Variants in SMARCA2 observed in about 807,000 individuals in gnomAD.
The protein encoded by SMARCA2 is SWI/SNF related BAF chromatin remodeling complex subunit ATPase 2.
In SMARCA2, 61 loss-of-function variants were observed where a neutral mutation model predicts 199.8. The ratio of observed to expected loss-of-function variants is 0.31; its 90% CI spans 0.25 to 0.38. SMARCA2 has a LOEUF of 0.38. SMARCA2 is among the 10% of genes least tolerant of loss of function. The pLI is 1.00. For synonymous variants in SMARCA2, 935 were observed against 732.0 expected, an observed-to-expected ratio of 1.28 and a Z score of -4.48; for missense variants, 1,344 against 2,012.2, an observed-to-expected ratio of 0.67 and a Z score of 6.35.
At chr9:2,101,660 G>T in intron 22 of SMARCA2, 44 bp downstream of exon 22, 1 of 1,045,464 alleles carries the variant, frequency 9.6e-7, no homozygotes, top group African/African-American at 1.6e-5. Flanking sequence ...AATGTTGTTG[G>T]CCTTACATAA....
chr9:2,185,074 G>C, intron 31 of SMARCA2, among the ~76,000 whole-genome samples: 1 of 152,204 alleles, frequency 6.6e-6, no homozygotes, highest in Middle Eastern at 3.4e-3. Context: ...TAATTTTTCA[G>C]TATACAGTTC....
chr9:2,111,491 C>CAAAAAAAA (rs148112929), intron 24 of SMARCA2, among the ~76,000 whole-genome samples: 2 of 86,978 alleles, frequency 2.3e-5, no homozygotes, highest in African/African-American at 3.6e-5. Flanking sequence ...GACCGTGTCT[C>CAAAAAAAA]AAAAAAAAAA....
chr9:2,111,068 CG>C (rs1822975620), intron 24 of SMARCA2, among the ~76,000 whole-genome samples: 1 of 142,834 alleles, frequency 7.0e-6, no homozygotes, highest in Admixed American at 7.0e-5. Context: ...TTAAATTGAG[CG>C]GGTCTCTCAT....
chr9:2,163,806 G>A (rs190824158), intron 28 of SMARCA2, among the ~76,000 whole-genome samples: 1 of 152,230 alleles, frequency 6.6e-6, no homozygotes, highest in Non-Finnish European at 1.5e-5. Flanking sequence ...TCATTCTAAG[G>A]TGATGGCTGT....
At chr9:2,181,232 A>C (rs1381531276) in intron 29 of SMARCA2, 1 of 207,554 alleles carries the variant, frequency 4.8e-6, no homozygotes, top group Non-Finnish European at 9.5e-6. Flanking sequence ...ATATTTACCA[A>C]TTCATTTAAA....
At chr9:2,145,067 A>G (rs777187972) in intron 27 of SMARCA2, among the ~76,000 whole-genome samples, 1 of 152,178 alleles carries the variant, frequency 6.6e-6, no homozygotes, top group Non-Finnish European at 1.5e-5. Context: ...TGGGAGGCCT[A>G]GGCGGACGGA....
intron 27 of SMARCA2, chr9:2,158,820 G>A (rs1825512847): frequency 1.2e-6 from 1 of 808,276 alleles, no homozygotes; most frequent in African/African-American, 1.8e-5. Context: ...AAAGCATTGG[G>A]AAGTGTTTAG....
intron 23 of SMARCA2, among the ~76,000 whole-genome samples, chr9:2,107,956 A>C (rs753856423): frequency 6.6e-6 from 1 of 152,064 alleles, no homozygotes; most frequent in Non-Finnish European, 1.5e-5. Context: ...AGGTTTAGGG[A>C]TATTTATGGG....
chr9:2,130,931 A>G (rs1022195424), intron 27 of SMARCA2, among the ~76,000 whole-genome samples: 6 of 152,176 alleles, frequency 3.9e-5, no homozygotes, highest in African/African-American at 1.4e-4. Flanking sequence ...GGCAGTCATC[A>G]TTATTGAGCC....
intron 29 of SMARCA2, among the ~76,000 whole-genome samples, chr9:2,174,390 A>G (rs1469930531): frequency 1.3e-5 from 2 of 152,202 alleles, no homozygotes. Context: ...GGGGAAAAAA[A>G]TCTGTCTCAC....
intron 27 of SMARCA2, among the ~76,000 whole-genome samples, chr9:2,124,269 A>G (rs1413608508): frequency 6.6e-6 from 1 of 152,142 alleles, no homozygotes; most frequent in African/African-American, 2.4e-5. Context: ...GTCATGCCTC[A>G]CTCTCTCCAA....
At chr9:2,079,148 C>T (rs981971182) in intron 14 of SMARCA2, among the ~76,000 whole-genome samples, 7 of 152,120 alleles carry the variant, frequency 4.6e-5, no homozygotes, top group Admixed American at 4.6e-4. Flanking sequence ...CTGGCAGTGA[C>T]CCCTCTTGTT....
intron 27 of SMARCA2, chr9:2,158,752 C>G (rs1287775834): frequency 2.2e-6 from 1 of 456,218 alleles, no homozygotes; most frequent in Non-Finnish European, 3.9e-6. Context: ...AGTTTAAAAT[C>G]TCCATGAATA....
intron 27 of SMARCA2, among the ~76,000 whole-genome samples, chr9:2,143,751 G>T (rs1824578183): frequency 6.6e-6 from 1 of 152,206 alleles, no homozygotes; most frequent in Non-Finnish European, 1.5e-5. Flanking sequence ...TATTTGCTTG[G>T]TTGAAGGAAA....
intron 15 of SMARCA2, among the ~76,000 whole-genome samples, chr9:2,083,013 A>T (rs951862816): frequency 2.6e-5 from 4 of 152,162 alleles, no homozygotes; most frequent in African/African-American, 7.2e-5. Flanking sequence ...TTCTGAACCT[A>T]TATGGCTGTT....
intron 5 of SMARCA2, among the ~76,000 whole-genome samples, chr9:2,053,058 G>A (rs750457558): frequency 6.6e-6 from 1 of 152,170 alleles, no homozygotes; most frequent in Non-Finnish European, 1.5e-5. Context: ...GGTTTGGGGT[G>A]CAGTTGATCC....
chr9:2,110,311 C>T lies in SMARCA2; in HGVS notation c.3350C>T (p.Ser1117Phe). 2 of 1,613,518 alleles carry T rather than the reference C, an allele frequency of 1.2e-6. No individual in the cohort carries two copies. Among genetic ancestry groups the T allele is most frequent in the Non-Finnish European group, 1.7e-6 (2 of 1,179,660 alleles). Residue 1117 changes from serine to phenylalanine, a missense_variant, in exon 24 of 34, where the codon TCC (serine) becomes TTC (phenylalanine). Ser to Phe is a radical substitution (Grantham distance 155). Around this residue, in one of 18 missense-constraint regions of SMARCA2, gnomAD observed 98 missense variants for 245.6 expected, o/e 0.40. Coordinates refer to ENST00000349721, the MANE Select transcript of SMARCA2 (RefSeq NM_003070.5). This position sits in a 1 kb window ranked among gnomAD's most constrained non-coding sequence, Gnocchi z 4.8. ...CTGAAGAAATTCAATGAACCTGGATCCCAGTATTTCATTTTCTTGCTGAGC... is the reference window on the plus strand; with the variant it reads ...CTGAAGAAATTCAATGAACCTGGATTCCAGTATTTCATTTTCTTGCTGAGC... ...ALLKKFNEPGSQYFIFLLSTR... is the reference protein window; with the variant it reads ...ALLKKFNEPGFQYFIFLLSTR...
At chr9:2,189,574 C>T (rs890017713) in intron 32 of SMARCA2, among the ~76,000 whole-genome samples, 3 of 152,086 alleles carry the variant, frequency 2.0e-5, no homozygotes, top group Non-Finnish European at 4.4e-5. Flanking sequence ...TCATCTATTT[C>T]TTTCGACGTC....
intron 5 of SMARCA2, among the ~76,000 whole-genome samples, chr9:2,050,900 G>C (rs182979902): frequency 6.6e-6 from 1 of 152,100 alleles, no homozygotes; most frequent in Non-Finnish European, 1.5e-5. Context: ...GTAACCCCTC[G>C]TGATTTACTG....
Sources: gnomAD v4.1 joint callset for allele counts (sites outside exome capture counted in the v4.1 genomes callset) on GRCh38, gnomAD v4.1.1 for gene constraint, gnomAD v4.1.1 regional missense constraint, Gnocchi (gnomAD v3.1) non-coding constraint, MANE v1.5 for transcripts, NCBI Gene and HGNC (gene_info 2026-07-23, HGNC 2026-07-21) for gene names.